Variants in STAG1 observed in about 807,000 individuals in gnomAD.
STAG1 encodes STAG1 cohesin complex component.
Under a neutral mutation model 170.9 loss-of-function variants are expected in STAG1, and 26 were observed. The ratio of observed to expected loss-of-function variants is 0.15; its 90% confidence interval spans 0.11 to 0.21. STAG1 has a LOEUF of 0.21. Among genes scored for constraint, STAG1 ranks in the 10% least tolerant of loss-of-function variants. The pLI is 1.00. For synonymous variants in STAG1, 514 were observed against 497.7 expected (o/e 1.03, Z -0.44); for missense variants, 964 against 1,509.5 (o/e 0.64, Z 5.99).
intron 7 of STAG1, chr3:136,518,405 C>T (rs753515962): frequency 2.9e-6 from 2 of 699,950 alleles, no homozygotes; most frequent in East Asian, 5.4e-5. Context: ...ATCTAGTCCC[C>T]AAGACTTGTC....
At chr3:136,741,465 T>C (rs1576837658) in intron 1 of STAG1, among the ~76,000 whole-genome samples, 1 of 152,216 alleles carries the variant, frequency 6.6e-6, no homozygotes, top group Admixed American at 6.5e-5. Flanking sequence ...TCCATGTTGT[T>C]GGAAGGAATT....
chr3:136,557,907 A>T (rs1190968719), intron 5 of STAG1, among the ~76,000 whole-genome samples: 1 of 152,206 alleles, frequency 6.6e-6, no homozygotes, highest in Non-Finnish European at 1.5e-5. Flanking sequence ...TACACTTAAA[A>T]ATTTAAAACT....
At chr3:136,518,015 G>C (rs1934471821) in intron 7 of STAG1, 1 of 171,438 alleles carries the variant, frequency 5.8e-6, no homozygotes, top group African/African-American at 2.4e-5. Context: ...ACTTATGAGT[G>C]TGGAATAAAC....
In STAG1 at chr3:136,632,629, G is replaced by C. The variant is rs568162824; in HGVS notation, c.-83-1648C>G. On this transcript the variant is annotated intron_variant, in intron 1 of 33. Transcript: ENST00000383202. ...GCAATATGTAAAGCCTTAGAATAAA[G>C]AGTCTAAGGAGGAAAATATGTTACG... 5.6e-4 allele frequency among the ~76,000 whole-genome samples: 85 copies of C among 152,176 alleles called. 1 individual carries two copies. Among genetic ancestry groups the C allele is most frequent in the African/African-American group, 1.5e-3 (61 of 41,524 alleles).
At chr3:136,511,737 A>C (rs918988609) in intron 7 of STAG1, among the ~76,000 whole-genome samples, 4 of 152,170 alleles carry the variant, frequency 2.6e-5, no homozygotes, top group African/African-American at 4.8e-5. Flanking sequence ...TCTGTACAAC[A>C]AGTCCCTGTG....
intron 20 of STAG1, among the ~76,000 whole-genome samples, chr3:136,419,304 A>C (rs1266033326): frequency 6.6e-6 from 1 of 152,196 alleles, no homozygotes; most frequent in Non-Finnish European, 1.5e-5. Context: ...TTGAATTTTG[A>C]AGTACTGATT....
chr3:136,747,093 TAAAAA>T (rs71134408), intron 1 of STAG1, among the ~76,000 whole-genome samples: 22 of 59,326 alleles, frequency 3.7e-4, no homozygotes, highest in African/African-American at 4.1e-4. Flanking sequence ...TGAAACTGTC[TAAAAA>T]AAAAAAAAAA....
intron 7 of STAG1, among the ~76,000 whole-genome samples, chr3:136,517,721 CAAT>C (rs2107898490): frequency 6.6e-6 from 1 of 152,024 alleles, no homozygotes; most frequent in African/African-American, 2.4e-5. Flanking sequence ...AATTATGACA[CAAT>C]GTTTCTTACA....
intron 13 of STAG1, among the ~76,000 whole-genome samples, chr3:136,464,196 G>C (rs566038512): frequency 6.6e-6 from 1 of 152,084 alleles, no homozygotes; most frequent in African/African-American, 2.4e-5. Flanking sequence ...GGCTGAGGCG[G>C]GCGGATTACC....
At chr3:136,388,111 G>A (rs112318917) in intron 22 of STAG1, among the ~76,000 whole-genome samples, 8 of 152,280 alleles carry the variant, frequency 5.3e-5, no homozygotes, top group African/African-American at 1.4e-4. Flanking sequence ...TTAGGACTGC[G>A]ACTTAGTGCC....
intron 9 of STAG1, among the ~76,000 whole-genome samples, chr3:136,491,482 G>T (rs1018969353): frequency 6.6e-6 from 1 of 152,112 alleles, no homozygotes; most frequent in Non-Finnish European, 1.5e-5. Context: ...ATATGAATTT[G>T]TGAGTGTTTT....
chr3:136,690,723 G>A (rs2107897071), intron 1 of STAG1, among the ~76,000 whole-genome samples: 1 of 152,234 alleles, frequency 6.6e-6, no homozygotes, highest in East Asian at 1.9e-4. Context: ...AGGAGGAAGA[G>A]TCAGCAAAAG....
Position 136,496,872 on chromosome 3 carries a change from GA to G in STAG1, c.902+3350del, listed in dbSNP as rs369339544. Among the ~76,000 whole-genome samples, 181 of 151,648 alleles carry G rather than the reference GA, an allele frequency of 1.2e-3. 1 individual carries two copies. The highest frequency in any genetic ancestry group is 4.0e-3 in the African/African-American group (166 of 41,398). On this transcript the variant is annotated intron_variant, in intron 9 of 33. Transcript: ENST00000383202. ...AATAGCTCCACATACACTGAACAAT[GA>G]AAAGAGAAAAGCGGGAAGGAAGCAG...
At chr3:136,675,097 A>G (rs1942092932) in intron 1 of STAG1, among the ~76,000 whole-genome samples, 1 of 152,232 alleles carries the variant, frequency 6.6e-6, no homozygotes, top group African/African-American at 2.4e-5. Flanking sequence ...AAGTGTGAAT[A>G]TTAAGTGACA....
At chr3:136,660,760 G>A (rs1941551412) in intron 1 of STAG1, among the ~76,000 whole-genome samples, 1 of 151,962 alleles carries the variant, frequency 6.6e-6, no homozygotes, top group Non-Finnish European at 1.5e-5. Context: ...CTTGAGCCCA[G>A]CAGTTTGAGA....
chr3:136,608,185 A>C (rs1939057992), intron 3 of STAG1, among the ~76,000 whole-genome samples: 1 of 151,538 alleles, frequency 6.6e-6, no homozygotes, highest in African/African-American at 2.4e-5. Context: ...TGAACCTAGG[A>C]GGCAGAGAGG....
intron 16 of STAG1, among the ~76,000 whole-genome samples, chr3:136,426,525 C>T (rs1227463113): frequency 6.6e-6 from 1 of 152,222 alleles, no homozygotes; most frequent in African/African-American, 2.4e-5. Context: ...AGATATTTAA[C>T]ATTCACTACT....
At chr3:136,734,365 A>G (rs1457225416) in intron 1 of STAG1, among the ~76,000 whole-genome samples, 1 of 152,166 alleles carries the variant, frequency 6.6e-6, no homozygotes, top group Non-Finnish European at 1.5e-5. Flanking sequence ...TCTGCCTAAG[A>G]TTGAGGAGGC....
chr3:136,338,590 G>A, intron 32 of STAG1, 140 bp from the exon 33 acceptor site: 1 of 636,854 alleles, frequency 1.6e-6, no homozygotes, highest in Non-Finnish European at 2.7e-6. Flanking sequence ...AGAGAATCTG[G>A]CTTTTATATG....
Sources: gnomAD v4.1 joint callset for allele counts (sites outside exome capture counted in the v4.1 genomes callset) on GRCh38, gnomAD v4.1.1 for gene constraint, MANE v1.5 for transcripts, NCBI Gene and HGNC (gene_info 2026-07-23, HGNC 2026-07-21) for gene names.